CYP4X1: variants seen among roughly 807,000 people sequenced by gnomAD.
CYP4X1 encodes cytochrome P450 4X1.
A neutral mutation model predicts 57.9 loss-of-function variants in CYP4X1; 44 were observed. The observed-to-expected ratio is 0.76, with a 90% CI of 0.60 to 0.98. CYP4X1 has a LOEUF of 0.98. CYP4X1 is among the 50% of genes least tolerant of loss of function. CYP4X1 has a pLI of 0.00. For missense variants in CYP4X1, 532 were observed against 623.9 expected (o/e 0.85, Z 1.57); for synonymous variants, 227 against 228.6 (o/e 0.99, Z 0.06).
chr1:47,035,826 C>G lies in CYP4X1; in HGVS notation c.513C>G (p.Cys171Trp). 1 of 1,612,650 alleles carries G rather than the reference C, an allele frequency of 6.2e-7. No individual in the cohort carries two copies. Among genetic ancestry groups the G allele is most frequent in the South Asian group, 1.1e-5 (1 of 90,802 alleles). ...KMMLDKWEKI[C>W]STQDTSVEVY... The stretch of plus-strand genomic sequence containing the variant: ...GCCAGGATAAGTGGGAGAAGATTTG[C>G]AGCACTCAGGACACAAGCGTGGAGG... Residue 171 changes from cysteine (C) to tryptophan (W), a missense_variant, in exon 5 of 12, where the codon TGC (cysteine) becomes TGG (tryptophan). Cys to Trp is a radical substitution (Grantham distance 215, BLOSUM62 -2). Coordinates refer to ENST00000371901, the MANE Select transcript of CYP4X1 (RefSeq NM_178033.2).
At chr1:46,967,560 G>A in the CYP4X1 span, 1 of 249,484 alleles carries the variant, frequency 4.0e-6, no homozygotes, top group Non-Finnish European at 7.8e-6. Context: ...GTACAGAAGG[G>A]AGGATAGCAG....
At position 47,029,976 on chromosome 1, in the gene CYP4X1, T is replaced by C; in HGVS notation, c.178-14T>C. The C allele has an allele frequency of 6.2e-7, 1 of 1,613,214 alleles. No individual in the cohort carries two copies. The highest frequency in any genetic ancestry group is 8.5e-7 in the Non-Finnish European group (1 of 1,179,462). On this transcript the variant is annotated splice_polypyrimidine_tract_variant and intron_variant, in intron 1 of 11. Coordinates refer to ENST00000371901, the MANE Select transcript of CYP4X1 (RefSeq NM_178033.2). Reference sequence around the variant, plus strand: ...AGCTTGGCTGGCTAATTACTTTTACTTTTTTCACTGCAGTTTATTCAGGAT... The same window carrying C: ...AGCTTGGCTGGCTAATTACTTTTACCTTTTTCACTGCAGTTTATTCAGGAT...
upstream of CYP4X1, chr1:47,023,629 C>G (rs1238618360): frequency 1.1e-5 from 15 of 1,326,508 alleles, no homozygotes; most frequent in Non-Finnish European, 1.4e-5. Context: ...ATCCCGCACG[C>G]GCGCCTGCCT....
At chr1:47,033,471 T>G in intron 4 of CYP4X1, 103 bp downstream of exon 4, 1 of 1,468,338 alleles carries the variant, frequency 6.8e-7, no homozygotes, top group South Asian at 1.4e-5. Flanking sequence ...AATCAGTTTC[T>G]AAAAATTTAA....
At chr1:47,036,230 T>A in intron 6 of CYP4X1, 59 bp downstream of exon 6, 2 of 1,509,238 alleles carry the variant, frequency 1.3e-6, no homozygotes, top group Non-Finnish European at 1.8e-6. Context: ...ACTGTGTCTG[T>A]CTAGAGGGAT....
chr1:47,051,378 C>CAAA (rs71658807), downstream of CYP4X1, among the ~76,000 whole-genome samples: 268 of 135,218 alleles, frequency 2.0e-3, 1 homozygote, highest in African/African-American at 6.1e-3. Flanking sequence ...GACTCCATCT[C>CAAA]AAAAAAAAAA....
the CYP4X1 span, among the ~76,000 whole-genome samples, chr1:46,997,916 T>A: frequency 6.6e-6 from 1 of 152,194 alleles, no homozygotes; most frequent in Admixed American, 6.5e-5. Context: ...AGATAGTATC[T>A]CTGTGGTTTT....
At chr1:47,000,479 A>G in the CYP4X1 span, among the ~76,000 whole-genome samples, 1 of 152,146 alleles carries the variant, frequency 6.6e-6, no homozygotes, top group Non-Finnish European at 1.5e-5. Context: ...CCGGCCCACA[A>G]CTTGTTTTCA....
chr1:47,013,569 T>C, the CYP4X1 span, among the ~76,000 whole-genome samples: 4 of 152,284 alleles, frequency 2.6e-5, no homozygotes, highest in East Asian at 5.8e-4. Flanking sequence ...ACAATATTAT[T>C]ATTTTTGAAA....
At chr1:46,975,709 C>A in the CYP4X1 span, among the ~76,000 whole-genome samples, 1 of 152,094 alleles carries the variant, frequency 6.6e-6, no homozygotes, top group African/African-American at 2.4e-5. Context: ...GCATGGCAAC[C>A]TCTCTAGTGA....
chr1:46,965,845 C>A, the CYP4X1 span, among the ~76,000 whole-genome samples: 4 of 152,344 alleles, frequency 2.6e-5, no homozygotes, highest in Admixed American at 2.6e-4. Flanking sequence ...GGCCACGCCT[C>A]CCCTCAGGAG....
the CYP4X1 span, among the ~76,000 whole-genome samples, chr1:46,977,975 G>A: frequency 1.3e-5 from 2 of 152,134 alleles, no homozygotes; most frequent in African/African-American, 4.8e-5. Flanking sequence ...CCTGAAGGAA[G>A]CACTAAAGAT....
At chr1:46,992,491 G>A in the CYP4X1 span, among the ~76,000 whole-genome samples, 8 of 152,168 alleles carry the variant, frequency 5.3e-5, no homozygotes, top group Admixed American at 2.0e-4. Context: ...ACCTATAAGC[G>A]GACTTATTAC....
intron 8 of CYP4X1, among the ~76,000 whole-genome samples, chr1:47,043,137 G>T (rs1644264192): frequency 2.0e-5 from 3 of 151,990 alleles, no homozygotes; most frequent in South Asian, 2.1e-4. Flanking sequence ...TTGATTTTTT[G>T]ATTATGGCCA....
chr1:47,034,257 G>A (rs1378306779), intron 4 of CYP4X1, among the ~76,000 whole-genome samples: 1 of 152,168 alleles, frequency 6.6e-6, no homozygotes, highest in Non-Finnish European at 1.5e-5. Context: ...GAGAATGTGT[G>A]TATTAAAGTT....
chr1:47,031,800 G>A (rs55694114), intron 3 of CYP4X1, among the ~76,000 whole-genome samples: 12,883 of 152,186 alleles, frequency 0.085, 606 homozygotes, highest in East Asian at 0.22. Context: ...CCAGCACTTT[G>A]GGAGGCCAAG....
At chr1:47,037,059 C>T (rs148483877) in intron 6 of CYP4X1, among the ~76,000 whole-genome samples, 41 of 152,174 alleles carry the variant, frequency 2.7e-4, no homozygotes, top group African/African-American at 9.6e-5. Flanking sequence ...CAGCAGTTCC[C>T]AAGTCTTTCT....
chr1:47,024,847 C>T (rs937386078), intron 1 of CYP4X1, among the ~76,000 whole-genome samples: 3 of 152,186 alleles, frequency 2.0e-5, no homozygotes, highest in African/African-American at 7.2e-5. Context: ...GGAAGGCATT[C>T]CAGCAGAGCT....
At chr1:46,975,337 G>T in the CYP4X1 span, among the ~76,000 whole-genome samples, 6 of 152,134 alleles carry the variant, frequency 3.9e-5, no homozygotes, top group Admixed American at 3.9e-4. Flanking sequence ...ACCCCCCTGG[G>T]ACCTTTTGTA....
Sources: gnomAD v4.1 joint callset for allele counts (sites outside exome capture counted in the v4.1 genomes callset) on GRCh38, gnomAD v4.1.1 for gene constraint, MANE v1.5 for transcripts, NCBI Gene and HGNC (gene_info 2026-07-23, HGNC 2026-07-21) for gene names.